The following DDX18 variants were observed in gnomAD, a reference collection of about 807,000 sequenced individuals.
DDX18 encodes the protein ATP-dependent RNA helicase DDX18.
A neutral mutation model predicts 73.5 loss-of-function variants in DDX18; 23 were observed. The ratio of observed to expected loss-of-function variants is 0.31; its 90% CI spans 0.23 to 0.44. The LOEUF (loss-of-function observed/expected upper bound fraction) is 0.44. DDX18 is among the 20% of genes least tolerant of loss of function. DDX18 has a pLI of 1.00. For missense variants in DDX18, 753 were observed against 792.9 expected (o/e 0.95, Z 0.60); for synonymous variants, 268 against 282.7 (o/e 0.95, Z 0.52).
chr2:117,828,089 A>G (rs1201406821), intron 11 of DDX18: 2 of 152,196 alleles, frequency 1.3e-5, no homozygotes, highest in Admixed American at 6.5e-5. Flanking sequence ...GATGATGAGC[A>G]TATTTTCATG....
intron 1 of DDX18, 33 bp downstream of exon 1, chr2:117,814,895 A>C (rs3755492): frequency 0.38 from 610,332 of 1,611,658 alleles, 120,569 homozygotes; most frequent in East Asian, 0.56. Context: ...GGCTCAGAAG[A>C]CCCACGCGCG....
chr2:117,820,201 A>C (rs79302798), intron 3 of DDX18, among the ~76,000 whole-genome samples: 184 of 152,334 alleles, frequency 1.2e-3, no homozygotes, highest in African/African-American at 4.2e-3. Context: ...TATGTCTAGG[A>C]GTTACTTGAG....
At position 117,814,730 on chromosome 2, in the gene DDX18, G is replaced by A. The variant is rs776735770; in HGVS notation, c.-48G>A. The A allele has an allele frequency of 6.3e-7, 1 of 1,593,818 alleles. No individual in the cohort carries two copies. Among genetic ancestry groups the A allele is most frequent in the Non-Finnish European group, 8.6e-7 (1 of 1,162,730 alleles). The stretch of plus-strand genomic sequence containing the variant: ...GGGAAGTAACGTCAGCCTGAGAACT[G>A]AGTAGCTGTACTGTGTGGCGCCTTA... On this transcript the variant is annotated 5_prime_UTR_variant, in exon 1 of 14. Transcript: ENST00000263239.
intron 9 of DDX18, 78 bp from the exon 10 acceptor site, chr2:117,825,368 AC>A (rs1365580880): frequency 3.5e-6 from 4 of 1,153,266 alleles, no homozygotes; most frequent in Non-Finnish European, 5.0e-6. Flanking sequence ...AAATAGGGTA[AC>A]AGTTCCACAA....
intron 11 of DDX18, chr2:117,826,586 C>G (rs994361865): frequency 5.2e-6 from 3 of 577,972 alleles, no homozygotes; most frequent in East Asian, 2.9e-5. Flanking sequence ...CTTTCTAGCT[C>G]TGTTACCCAG....
At chr2:117,814,965 C>T (rs1679731731) in intron 1 of DDX18, 103 bp downstream of exon 1, 1 of 1,190,844 alleles carries the variant, frequency 8.4e-7, no homozygotes, top group East Asian at 2.3e-5. Flanking sequence ...AGGCAGCTTC[C>T]CCTGCAGCGT....
chr2:117,825,402 T>G, intron 9 of DDX18, 45 bp from the exon 10 acceptor site: 1 of 1,590,130 alleles, frequency 6.3e-7, no homozygotes, highest in South Asian at 1.1e-5. Flanking sequence ...ACTGCTAGTC[T>G]TCCTCAAGAT....
At chr2:117,826,130 T>C (rs1055422333) in intron 10 of DDX18, 139 bp from the exon 11 acceptor site, 8 of 383,132 alleles carry the variant, frequency 2.1e-5, no homozygotes, top group Non-Finnish European at 3.2e-5. Flanking sequence ...TTTGTGGGGG[T>C]GTGGTGAAGG....
intron 11 of DDX18, chr2:117,827,414 T>TG (rs1335567286): frequency 6.6e-6 from 1 of 152,222 alleles, no homozygotes; most frequent in African/African-American, 2.4e-5. Context: ...TGTATTCATG[T>TG]GCCATGTTGG....
intron 13 of DDX18, 35 bp from the exon 14 acceptor site, chr2:117,830,543 TTATC>T (rs777974570): frequency 2.1e-4 from 332 of 1,604,234 alleles, no homozygotes; most frequent in Non-Finnish European, 2.7e-4. Flanking sequence ...TTGGAGTTCA[TTATC>T]TTTTTTGCTT....
At position 117,814,734 on chromosome 2, in the gene DDX18, A is replaced by G. The variant is rs750615066; in HGVS notation, c.-44A>G. On this transcript the variant is annotated 5_prime_UTR_variant, in exon 1 of 14. Coordinates refer to ENST00000263239, the MANE Select transcript of DDX18 (RefSeq NM_006773.4). ...AGTAACGTCAGCCTGAGAACTGAGTAGCTGTACTGTGTGGCGCCTTATTCT... is the reference window on the plus strand; with the variant it reads ...AGTAACGTCAGCCTGAGAACTGAGTGGCTGTACTGTGTGGCGCCTTATTCT... The G allele has an allele frequency of 1.3e-6, 2 of 1,598,456 alleles. No homozygotes were observed. Among genetic ancestry groups the G allele is most frequent in the Middle Eastern group, 1.7e-4 (1 of 6,020 alleles).
intron 10 of DDX18, chr2:117,826,034 C>CTT (rs59119058): frequency 0.1 from 9,982 of 97,310 alleles, 3,516 homozygotes; most frequent in Non-Finnish European, 0.13. Context: ...CATGTCCAGC[C>CTT]TTTTTTTTTT....
chr2:117,820,085 T>C (rs1679822932), intron 3 of DDX18, among the ~76,000 whole-genome samples: 1 of 152,248 alleles, frequency 6.6e-6, no homozygotes, highest in Admixed American at 6.5e-5. Context: ...AGTCTCATTC[T>C]ATGTTGTAAT....
chr2:117,831,015 A>G lies in DDX18; in HGVS notation c.*291A>G, dbSNP rs1680015376. On this transcript the variant is annotated 3_prime_UTR_variant, in exon 14 of 14. Coordinates refer to ENST00000263239, the MANE Select transcript of DDX18 (RefSeq NM_006773.4). The stretch of plus-strand genomic sequence containing the variant: ...AAATATCCCTCCCTCATACAAGTGT[A>G]TGTTACCATTTTAATATAATTCTTT... The G allele has an allele frequency of 3.1e-6, 1 of 322,266 alleles. No individual in the cohort carries two copies. Among genetic ancestry groups the G allele is most frequent in the Admixed American group, 5.1e-5 (1 of 19,674 alleles). 20.0% of individuals were successfully genotyped at this position (322,266 alleles called of 1,614,324 possible).
In DDX18 at chr2:117,822,153, C is replaced by A. The variant is rs745538443; in HGVS notation, c.958C>A (p.Pro320Thr). Reference sequence around the variant, plus strand: ...TTGTCCTTTGTTTTGTTAGAATACCCCAGGATTTATGTATAAAAACCTGCA... The same window carrying A: ...TTGTCCTTTGTTTTGTTAGAATACCACAGGATTTATGTATAAAAACCTGCA... ...GRLLDHMQNT[P>T]GFMYKNLQCL... The change falls in exon 7 of 14, where the codon CCA (proline) becomes ACA (threonine). Residue 320 changes from proline (P) to threonine (T), a missense_variant. By Grantham distance (38) the Pro-to-Thr change is conservative. Transcript: ENST00000263239. The A allele has an allele frequency of 6.2e-7, 1 of 1,613,584 alleles. No individual in the cohort carries two copies. Among genetic ancestry groups the A allele is most frequent in the South Asian group, 1.1e-5 (1 of 91,034 alleles).
At chr2:117,815,069 G>A in intron 1 of DDX18, 2 of 591,228 alleles carry the variant, frequency 3.4e-6, no homozygotes, top group Non-Finnish European at 6.0e-6. Context: ...TGACCTTTCT[G>A]AGCAATCAGT....
chr2:117,825,766 C>G, intron 10 of DDX18, 167 bp downstream of exon 10: 1 of 714,500 alleles, frequency 1.4e-6, no homozygotes, highest in Non-Finnish European at 2.2e-6. Context: ...CTTTTCAGGG[C>G]TCAAACGGGC....
intron 7 of DDX18, among the ~76,000 whole-genome samples, chr2:117,823,712 A>G (rs1679881911): frequency 6.6e-6 from 1 of 152,154 alleles, no homozygotes; most frequent in African/African-American, 2.4e-5. Flanking sequence ...GAGAGCAGAC[A>G]TCCTTATCTT....
intron 3 of DDX18, among the ~76,000 whole-genome samples, chr2:117,820,450 CT>C (rs1472812685): frequency 1.3e-5 from 2 of 152,168 alleles, no homozygotes; most frequent in African/African-American, 4.8e-5. Flanking sequence ...CATCCTAAGC[CT>C]AGGAGACATT....
Sources: gnomAD v4.1 joint callset for allele counts (sites outside exome capture counted in the v4.1 genomes callset) on GRCh38, gnomAD v4.1.1 for gene constraint, MANE v1.5 for transcripts, NCBI Gene and HGNC (gene_info 2026-07-23, HGNC 2026-07-21) for gene names.